Variants in MCC observed in about 807,000 individuals in gnomAD.
MCC encodes MCC regulator of Wnt signaling pathway.
A neutral mutation model predicts 116.2 loss-of-function variants in MCC; 90 were observed. That is an observed-to-expected ratio of 0.77 (90% CI 0.65 to 0.92). MCC has a LOEUF of 0.92. Ranked by LOEUF, MCC falls within the 40% of genes least tolerant of loss-of-function variation. MCC has a pLI of 0.00. For missense variants in MCC, 1,516 were observed against 1,312.2 expected (o/e 1.16, Z -2.40); for synonymous variants, 578 against 510.5 (o/e 1.13, Z -1.78).
intron 1 of MCC, among the ~76,000 whole-genome samples, chr5:113,425,873 G>A (rs552945668): frequency 2.0e-5 from 3 of 152,110 alleles, no homozygotes; most frequent in African/African-American, 4.8e-5. Context: ...AGTGGATGGA[G>A]GGAAGATGGG....
At chr5:113,396,170 A>C (rs1315286445) in intron 1 of MCC, among the ~76,000 whole-genome samples, 1 of 152,184 alleles carries the variant, frequency 6.6e-6, no homozygotes, top group Non-Finnish European at 1.5e-5. Flanking sequence ...TCCACAAAAA[A>C]TACAAACATT....
chr5:113,127,681 C>A (rs1204161515), intron 5 of MCC, among the ~76,000 whole-genome samples: 1 of 152,092 alleles, frequency 6.6e-6, no homozygotes, highest in Non-Finnish European at 1.5e-5. Context: ...CCTTTGCCCG[C>A]CTTTTAATGG....
chr5:113,169,053 C>A (rs1472464037), intron 3 of MCC, among the ~76,000 whole-genome samples: 2 of 152,128 alleles, frequency 1.3e-5, no homozygotes, highest in East Asian at 3.9e-4. Flanking sequence ...CCAGAGCACC[C>A]TGAATGCCTC....
intron 8 of MCC, among the ~76,000 whole-genome samples, chr5:113,092,165 A>T (rs1207668803): frequency 6.6e-6 from 1 of 152,182 alleles, no homozygotes. Flanking sequence ...ATGTAAATGT[A>T]GCCTTGTACG....
intron 2 of MCC, among the ~76,000 whole-genome samples, chr5:113,373,536 G>A (rs1019200165): frequency 6.6e-6 from 1 of 152,028 alleles, no homozygotes; most frequent in Non-Finnish European, 1.5e-5. Flanking sequence ...TTTAATATAT[G>A]GGTTCAGTTG....
At chr5:113,108,331 TAAAAAAAAAAAAAAA>T (rs56780207) in intron 6 of MCC, among the ~76,000 whole-genome samples, 18 of 42,768 alleles carry the variant, frequency 4.2e-4, no homozygotes, top group East Asian at 2.1e-3. Context: ...CACTCTATCT[TAAAAAAAAAAAAAAA>T]AAAAAAAAAA....
intron 5 of MCC, among the ~76,000 whole-genome samples, chr5:113,129,171 G>T (rs1399646424): frequency 6.6e-6 from 1 of 152,158 alleles, no homozygotes; most frequent in African/African-American, 2.4e-5. Flanking sequence ...GGCTGCTGCT[G>T]TATGAGGTTA....
At chr5:113,419,169 CTTT>C (rs764720031) in intron 1 of MCC, among the ~76,000 whole-genome samples, 10 of 140,850 alleles carry the variant, frequency 7.1e-5, no homozygotes, top group Admixed American at 7.1e-5. Flanking sequence ...TTTTTTCTTT[CTTT>C]TTTTTTTTTT....
intron 14 of MCC, among the ~76,000 whole-genome samples, chr5:113,055,888 C>T (rs1752802716): frequency 6.6e-6 from 1 of 152,172 alleles, no homozygotes; most frequent in African/African-American, 2.4e-5. Context: ...AAAGACAGGT[C>T]CCCCAAAAGG....
intron 17 of MCC, among the ~76,000 whole-genome samples, chr5:113,037,401 G>GAGT (rs1207473017): frequency 6.6e-6 from 1 of 152,166 alleles, no homozygotes; most frequent in African/African-American, 2.4e-5. Context: ...GATGGGTAAA[G>GAGT]AGTAGTCAGG....
At chr5:113,095,398 A>T (rs990402638) in intron 8 of MCC, among the ~76,000 whole-genome samples, 2 of 152,238 alleles carry the variant, frequency 1.3e-5, no homozygotes, top group African/African-American at 4.8e-5. Context: ...TAAAAAGGGT[A>T]TAATAATAGT....
chr5:113,176,680 C>T (rs1761351299), intron 3 of MCC, among the ~76,000 whole-genome samples: 1 of 152,150 alleles, frequency 6.6e-6, no homozygotes, highest in African/African-American at 2.4e-5. Flanking sequence ...TGAACTGTCA[C>T]CCAGTTCAAT....
chr5:113,294,452 G>A (rs1766641880), intron 3 of MCC: 80 of 1,610,546 alleles, frequency 5.0e-5, no homozygotes, highest in Non-Finnish European at 6.7e-5. Flanking sequence ...GACTTCACAG[G>A]CTCAATATCC....
At chr5:113,113,580 A>G (rs1757221199) in intron 6 of MCC, among the ~76,000 whole-genome samples, 1 of 148,744 alleles carries the variant, frequency 6.7e-6, no homozygotes, top group African/African-American at 2.5e-5. Context: ...ATCACCTATA[A>G]TGGACAAACT....
At chr5:113,282,094 A>T (rs1053586860) in intron 3 of MCC, among the ~76,000 whole-genome samples, 1 of 152,214 alleles carries the variant, frequency 6.6e-6, no homozygotes, top group Non-Finnish European at 1.5e-5. Context: ...CCTTCCCCGC[A>T]TCACCTAGCT....
intron 6 of MCC, among the ~76,000 whole-genome samples, chr5:113,105,700 G>A (rs1756688426): frequency 6.6e-6 from 1 of 152,074 alleles, no homozygotes; most frequent in African/African-American, 2.4e-5. Context: ...ACACCATCCT[G>A]CTCTAAACCA....
At chr5:113,114,035 A>T (rs1046202100) in intron 6 of MCC, among the ~76,000 whole-genome samples, 1 of 141,648 alleles carries the variant, frequency 7.1e-6, no homozygotes, top group Middle Eastern at 3.2e-3. Flanking sequence ...AGGTTTACAC[A>T]TATGCCTTTA....
chr5:113,221,654 G>T (rs1393799226), intron 3 of MCC, among the ~76,000 whole-genome samples: 4 of 152,220 alleles, frequency 2.6e-5, no homozygotes, highest in African/African-American at 9.6e-5. Context: ...CCATGGATCA[G>T]CTGGCACCAC....
At chr5:113,235,720 G>T (rs1764103900) in intron 3 of MCC, among the ~76,000 whole-genome samples, 2 of 152,208 alleles carry the variant, frequency 1.3e-5, no homozygotes, top group South Asian at 4.1e-4. Context: ...TCTGGACTGG[G>T]CACCATTTCT....
Sources: allele counts gnomAD v4.1 joint callset (sites outside exome capture counted in the v4.1 genomes callset), GRCh38; gene constraint gnomAD v4.1.1; transcripts MANE v1.5; gene names NCBI Gene and HGNC (gene_info 2026-07-23, HGNC 2026-07-21).